SORBS2: variants seen among roughly 807,000 people sequenced by gnomAD.
The protein encoded by SORBS2 is sorbin and SH3 domain-containing protein 2.
In SORBS2, 46 loss-of-function variants were observed where a neutral mutation model predicts 97.7. The ratio of observed to expected loss-of-function variants is 0.47; its 90% CI spans 0.37 to 0.60. The LOEUF (loss-of-function observed/expected upper bound fraction) is 0.60. Among genes scored for constraint, SORBS2 ranks in the 20% least tolerant of loss-of-function variants. SORBS2 has a pLI of 0.00. For synonymous variants in SORBS2, 476 were observed against 473.4 expected, an observed-to-expected ratio of 1.01 and a Z score of -0.07; for missense variants, 1,316 against 1,282.3, an observed-to-expected ratio of 1.03 and a Z score of -0.40.
intron 1 of SORBS2, among the ~76,000 whole-genome samples, chr4:185,875,904 T>C (rs575903076): frequency 2.2e-3 from 340 of 152,350 alleles, no homozygotes; most frequent in African/African-American, 8.0e-3. Context: ...TCAAATATTA[T>C]TATTTTTAAA....
intron 2 of SORBS2, among the ~76,000 whole-genome samples, chr4:185,709,304 C>CTTTTTTTTTTTTTT (rs70962587): frequency 1.9e-4 from 18 of 96,768 alleles, no homozygotes; most frequent in African/African-American, 3.3e-4. Context: ...CTGGCCAAAT[C>CTTTTTTTTTTTTTT]TTTTTTTTTT....
exon 7 of SORBS2, chr4:185,624,073 C>T (rs779705007): frequency 3.1e-6 from 5 of 1,614,184 alleles, no homozygotes; most frequent in South Asian, 2.2e-5. Flanking sequence ...TCTTCAGGAA[C>T]CCCGGGGCGT....
At chr4:185,819,998 G>C (rs908971681) in intron 1 of SORBS2, among the ~76,000 whole-genome samples, 2 of 152,194 alleles carry the variant, frequency 1.3e-5, no homozygotes, top group African/African-American at 4.8e-5. Flanking sequence ...TCTGAGGGCG[G>C]TTGTGGCAAT....
chr4:185,922,214 A>G (rs533538968), intron 1 of SORBS2, among the ~76,000 whole-genome samples: 32 of 152,342 alleles, frequency 2.1e-4, no homozygotes, highest in African/African-American at 7.7e-4. Flanking sequence ...GTAAAAAATA[A>G]TTCTAGGACA....
chr4:185,890,369 G>T (rs1196664624), intron 1 of SORBS2, among the ~76,000 whole-genome samples: 3 of 152,116 alleles, frequency 2.0e-5, no homozygotes, highest in South Asian at 2.1e-4. Flanking sequence ...ATGTTCTGGG[G>T]ACTCTGAAGC....
chr4:185,711,220 C>T (rs569235532), intron 2 of SORBS2, among the ~76,000 whole-genome samples: 5 of 152,080 alleles, frequency 3.3e-5, no homozygotes, highest in African/African-American at 1.2e-4. Context: ...ATCTCAGCCT[C>T]TCCCATCTCA....
chr4:185,632,044 A>G (rs1165175723), intron 4 of SORBS2, among the ~76,000 whole-genome samples: 1 of 152,236 alleles, frequency 6.6e-6, no homozygotes, highest in Non-Finnish European at 1.5e-5. Context: ...TCAGAGTATT[A>G]AACATCTACT....
chr4:185,920,575 G>A (rs1030466380), intron 1 of SORBS2, among the ~76,000 whole-genome samples: 1 of 152,146 alleles, frequency 6.6e-6, no homozygotes, highest in African/African-American at 2.4e-5. Context: ...GAGCTTGTAT[G>A]CCTCAGAGAT....
rs538627684 is a variant in SORBS2, at chr4:185,705,078, G to A, written c.-197-26256C>T. Reference sequence around the variant, plus strand: ...CACATACACAAACACATGTGCCCATGCACAGGCACACGTACACATGCTGTT... The same window carrying A: ...CACATACACAAACACATGTGCCCATACACAGGCACACGTACACATGCTGTT... On this transcript the variant is annotated intron_variant, in intron 2 of 20. Coordinates refer to the SORBS2 transcript ENST00000284776. 2.6e-5 allele frequency among the ~76,000 whole-genome samples: 4 copies of A among 152,348 alleles called. No homozygotes were observed. The East Asian group carries it at 7.7e-4, about 29-fold the overall frequency.
At chr4:185,759,951 T>G (rs1484273715) in intron 2 of SORBS2, among the ~76,000 whole-genome samples, 1 of 152,224 alleles carries the variant, frequency 6.6e-6, no homozygotes, top group African/African-American at 2.4e-5. Flanking sequence ...TATAAAATAC[T>G]CTATGCCACA....
At chr4:185,826,888 G>T (rs1351605861) in intron 1 of SORBS2, among the ~76,000 whole-genome samples, 1 of 152,128 alleles carries the variant, frequency 6.6e-6, no homozygotes, top group Non-Finnish European at 1.5e-5. Context: ...TTAAGCATCT[G>T]CCCACTCACA....
chr4:185,780,299 G>A (rs1190736378), intron 1 of SORBS2, among the ~76,000 whole-genome samples: 4 of 152,134 alleles, frequency 2.6e-5, no homozygotes, highest in Admixed American at 1.3e-4. Context: ...ACAGGCGTGA[G>A]CCACTGCACC....
intron 2 of SORBS2, among the ~76,000 whole-genome samples, chr4:185,707,749 C>T (rs2098366200): frequency 6.6e-6 from 1 of 152,146 alleles, no homozygotes; most frequent in East Asian, 1.9e-4. Flanking sequence ...GGGCATCTTA[C>T]ATGACAGCAG....
intron 1 of SORBS2, among the ~76,000 whole-genome samples, chr4:185,887,037 G>A (rs934338702): frequency 7.2e-5 from 11 of 152,206 alleles, no homozygotes; most frequent in African/African-American, 2.7e-4. Flanking sequence ...GCCTTGAGAG[G>A]TGAGGCTGGC....
intron 8 of SORBS2, among the ~76,000 whole-genome samples, chr4:185,619,495 TCA>T (rs1391539300): frequency 6.6e-6 from 1 of 152,222 alleles, no homozygotes; most frequent in Non-Finnish European, 1.5e-5. Flanking sequence ...CATCCAGCCG[TCA>T]TGGCTCCAAG....
At chr4:185,648,395 G>C (rs1199524364) in intron 3 of SORBS2, among the ~76,000 whole-genome samples, 2 of 151,866 alleles carry the variant, frequency 1.3e-5, no homozygotes, top group African/African-American at 2.4e-5. Context: ...CCAGCTACTT[G>C]GTAATTGCTT....
chr4:185,651,872 C>A, intron 2 of SORBS2, 44 bp from the exon 11 acceptor site: 1 of 954,020 alleles, frequency 1.0e-6, no homozygotes, highest in Non-Finnish European at 1.7e-6. Flanking sequence ...AGATTGTCAC[C>A]AAAGGACAAC....
chr4:185,658,735 A>G (rs996505215), upstream of SORBS2, among the ~76,000 whole-genome samples: 1 of 132,484 alleles, frequency 7.5e-6, no homozygotes, highest in African/African-American at 2.9e-5. Flanking sequence ...TCTGTCACCC[A>G]GCTGGAGTGC....
intron 1 of SORBS2, among the ~76,000 whole-genome samples, chr4:185,884,568 A>C (rs2099238426): frequency 1.3e-5 from 2 of 152,232 alleles, no homozygotes; most frequent in Admixed American, 6.5e-5. Flanking sequence ...GGCCCAGCAG[A>C]GCTGAGTAGA....
Sources: allele counts gnomAD v4.1 joint callset (sites outside exome capture counted in the v4.1 genomes callset), GRCh38; gene constraint gnomAD v4.1.1; transcripts MANE v1.5; gene names NCBI Gene and HGNC (gene_info 2026-07-23, HGNC 2026-07-21).